SLC2A14: variants seen among roughly 807,000 people sequenced by gnomAD.
SLC2A14 encodes the protein solute carrier family 2, facilitated glucose transporter member 14.
SLC2A14 carries 13 observed loss-of-function variants against 43.0 expected under a neutral mutation model. That is an observed-to-expected ratio of 0.30 (90% CI 0.20 to 0.48). The LOEUF (loss-of-function observed/expected upper bound fraction) is 0.48. Ranked by LOEUF, SLC2A14 falls within the 20% of genes least tolerant of loss-of-function variation. The pLI, the probability that SLC2A14 is intolerant of heterozygous loss-of-function variation, is 0.99. For missense variants in SLC2A14, 428 were observed against 620.4 expected, an observed-to-expected ratio of 0.69 and a Z score of 3.29; for synonymous variants, 190 against 233.8, an observed-to-expected ratio of 0.81 and a Z score of 1.71.
At chr12:7,878,719 C>T (rs184512803) in intron 1 of SLC2A14, among the ~76,000 whole-genome samples, 248 of 151,744 alleles carry the variant, frequency 1.6e-3, no homozygotes, top group African/African-American at 5.1e-3. Flanking sequence ...TGGCTCAGGG[C>T]GATAATCCCA....
intron 7 of SLC2A14, among the ~76,000 whole-genome samples, chr12:7,825,149 C>G (rs1864231279): frequency 6.6e-6 from 1 of 151,994 alleles, no homozygotes; most frequent in South Asian, 2.1e-4. Flanking sequence ...AAATTGGGAG[C>G]CACTTTAGTC....
At chr12:7,884,550 A>G (rs1253091830) in intron 1 of SLC2A14, among the ~76,000 whole-genome samples, 1 of 152,102 alleles carries the variant, frequency 6.6e-6, no homozygotes, top group Non-Finnish European at 1.5e-5. Context: ...ATTACGGTCA[A>G]CAGCTTCATT....
chr12:7,870,742 A>T (rs777036120), intron 1 of SLC2A14: 2 of 557,232 alleles, frequency 3.6e-6, no homozygotes, highest in Admixed American at 9.2e-5. Context: ...AACCAAAAAA[A>T]ACCTCAGAAC....
chr12:7,883,590 C>CTTTTTT (rs1204450230), intron 1 of SLC2A14, among the ~76,000 whole-genome samples: 191 of 95,182 alleles, frequency 2.0e-3, no homozygotes, highest in African/African-American at 2.9e-3. Flanking sequence ...TTTTTCTTTT[C>CTTTTTT]TTTTTTTTTT....
chr12:7,830,235 C>A (rs1405442493), intron 4 of SLC2A14, among the ~76,000 whole-genome samples: 3 of 151,710 alleles, frequency 2.0e-5, no homozygotes, highest in Non-Finnish European at 4.4e-5. Flanking sequence ...TCACTGCAAC[C>A]TCTGACTCCC....
At chr12:7,837,353 A>G (rs1281988942) in intron 2 of SLC2A14, among the ~76,000 whole-genome samples, 1 of 152,128 alleles carries the variant, frequency 6.6e-6, no homozygotes, top group East Asian at 1.9e-4. Flanking sequence ...GTAATAAAAG[A>G]TGGTTAACAT....
chr12:7,813,324 C>T lies in SLC2A14; in HGVS notation c.*992G>A, dbSNP rs1369410889. 23 of 152,084 alleles carry T rather than the reference C, an allele frequency of 1.5e-4. No homozygotes were observed. Among genetic ancestry groups the T allele is most frequent in the Admixed American group, 1.5e-3 (23 of 15,240 alleles). 9.4% of individuals were successfully genotyped at this position (152,084 alleles called of 1,614,324 possible). ...GATGGCTCTCCCACTAGATAGGTGG[C>T]GGGATTACTTCAAAAGTAATGAGAC... is the stretch of plus-strand genomic sequence containing the variant. On this transcript the variant is annotated 3_prime_UTR_variant, in exon 11 of 11. Transcript: ENST00000431042.
At chr12:7,865,747 A>G (rs754541505) in intron 2 of SLC2A14, among the ~76,000 whole-genome samples, 31 of 152,106 alleles carry the variant, frequency 2.0e-4, no homozygotes, top group Non-Finnish European at 4.3e-4. Flanking sequence ...GAAAGAGTCA[A>G]ACATATCTCA....
At chr12:7,878,061 T>C (rs965101131), upstream of SLC2A14, among the ~76,000 whole-genome samples, 17 of 151,484 alleles carry the variant, frequency 1.1e-4, no homozygotes, top group African/African-American at 3.9e-4. Context: ...TTATTTTTTA[T>C]TTTTTTGAGA....
At chr12:7,882,279 C>T (rs767015994) in intron 1 of SLC2A14, among the ~76,000 whole-genome samples, 8 of 152,036 alleles carry the variant, frequency 5.3e-5, no homozygotes, top group African/African-American at 1.9e-4. Context: ...TAACACTCAC[C>T]GTGAAGGTCT....
At position 7,830,026 on chromosome 12, in the gene SLC2A14, C is replaced by T. The variant is rs774926534; in HGVS notation, c.273-20G>A. ...TTGCGCCTGTAAGGTTAATCAAAGA[C>T]AACATGGAATTAGCAAAGTGAGAGG... On this transcript the variant is annotated intron_variant, in intron 4 of 10. Coordinates refer to ENST00000431042, the MANE Select transcript of SLC2A14 (RefSeq NM_001286234.2). 1.2e-6 allele frequency: 2 copies of T among 1,613,440 alleles called. No individual in the cohort carries two copies. The highest frequency in any genetic ancestry group is 1.7e-6 in the Non-Finnish European group (2 of 1,179,402).
upstream of SLC2A14, among the ~76,000 whole-genome samples, chr12:7,874,977 ATATT>A (rs1565585351): frequency 1.2e-4 from 8 of 68,246 alleles, no homozygotes; most frequent in Non-Finnish European, 1.5e-4. Flanking sequence ...ATATATAAAT[ATATT>A]TATATATAAA....
At chr12:7,830,984 C>T (rs776635193) in intron 4 of SLC2A14, among the ~76,000 whole-genome samples, 7 of 151,934 alleles carry the variant, frequency 4.6e-5, no homozygotes, top group Admixed American at 3.3e-4. Context: ...ATTAGCCGAG[C>T]GTGGTGGCGG....
intron 1 of SLC2A14, among the ~76,000 whole-genome samples, chr12:7,881,658 T>C (rs749805851): frequency 6.6e-6 from 1 of 152,218 alleles, no homozygotes; most frequent in South Asian, 2.1e-4. Flanking sequence ...CTGAGGAGTG[T>C]GGGCGCAGGG....
At chr12:7,834,114 GCTCT>G (rs1865251006) in intron 2 of SLC2A14, among the ~76,000 whole-genome samples, 1 of 151,928 alleles carries the variant, frequency 6.6e-6, no homozygotes, top group Non-Finnish European at 1.5e-5. Flanking sequence ...CCAGTACAAT[GCTCT>G]CTGTTAAATC....
chr12:7,826,986 TTCTCTCTTTCTCTCCTTTCTC>T (rs1396438606), intron 7 of SLC2A14, among the ~76,000 whole-genome samples: 19 of 106,688 alleles, frequency 1.8e-4, no homozygotes, highest in East Asian at 4.7e-4. Context: ...TTTCTCTCCT[TTCTCTCTTTCTCTCCTTTCTC>T]TCTCTCTCTT....
At chr12:7,882,403 A>G (rs894267670) in intron 1 of SLC2A14, among the ~76,000 whole-genome samples, 7 of 152,058 alleles carry the variant, frequency 4.6e-5, no homozygotes, top group Non-Finnish European at 8.8e-5. Flanking sequence ...AAGAGCTGTA[A>G]CACTAACCGC....
At chr12:7,871,402 G>GC (rs376104185) in intron 1 of SLC2A14, 19 of 272,850 alleles carry the variant, frequency 7.0e-5, no homozygotes, top group Admixed American at 3.8e-4. Context: ...CGACACCCTG[G>GC]CCCCCCCGCC....
At chr12:7,840,033 G>T (rs1182363348) in intron 2 of SLC2A14, 1 of 336,904 alleles carries the variant, frequency 3.0e-6, no homozygotes, top group Non-Finnish European at 5.8e-6. Context: ...GATCACTTGA[G>T]CCCGGGAGGT....
Sources: gnomAD v4.1 joint callset for allele counts (sites outside exome capture counted in the v4.1 genomes callset) on GRCh38, gnomAD v4.1.1 for gene constraint, MANE v1.5 for transcripts, NCBI Gene and HGNC (gene_info 2026-07-23, HGNC 2026-07-21) for gene names.